PHIP: variants seen among roughly 807,000 people sequenced by gnomAD.
The protein encoded by PHIP is PHIP subunit of CUL4-Ring ligase complex.
In PHIP, 54 loss-of-function variants were observed where a neutral mutation model predicts 236.8. The ratio of observed to expected loss-of-function variants is 0.23; its 90% confidence interval spans 0.18 to 0.29. The LOEUF (loss-of-function observed/expected upper bound fraction) is 0.29, where lower values mean the gene tolerates loss of function less well. Ranked by LOEUF, PHIP falls within the 10% of genes least tolerant of loss-of-function variation. PHIP has a pLI of 1.00. For synonymous variants in PHIP, 756 were observed against 718.9 expected (o/e 1.05, Z -0.83); for missense variants, 1,370 against 2,190.8 (o/e 0.63, Z 7.48).
At chr6:79,074,426 A>G (rs1774050517) in intron 4 of PHIP, among the ~76,000 whole-genome samples, 1 of 152,110 alleles carries the variant, frequency 6.6e-6, no homozygotes, top group Admixed American at 6.5e-5. Context: ...ATTCAAACTA[A>G]GAAATAAACA....
intron 20 of PHIP, 37 bp from the exon 21 acceptor site, chr6:78,988,386 T>C: frequency 6.8e-7 from 1 of 1,473,424 alleles, no homozygotes; most frequent in Non-Finnish European, 9.2e-7. Context: ...CACAGATTGT[T>C]TAAAGAGCAG....
intron 15 of PHIP, among the ~76,000 whole-genome samples, chr6:79,011,033 G>A (rs1401712916): frequency 6.6e-6 from 1 of 151,782 alleles, no homozygotes; most frequent in African/African-American, 2.4e-5. Flanking sequence ...AGCTATTTCT[G>A]GGAATTATTT....
rs1773227692 is a variant in PHIP at position 78,935,240 on chromosome 6, T to G, written c.*5453A>C. Among the ~76,000 whole-genome samples the G allele has an allele frequency of 6.6e-6, 1 of 152,170 alleles. No homozygotes were observed. Among genetic ancestry groups the G allele is most frequent in the Non-Finnish European group, 1.5e-5 (1 of 68,006 alleles). Reference sequence around the variant, plus strand: ...CTTCCTTCCTCAACTTAGAAATTTATTATATACAAAATCATTTTAACAAAA... The same window carrying G: ...CTTCCTTCCTCAACTTAGAAATTTAGTATATACAAAATCATTTTAACAAAA... On this transcript the variant is annotated 3_prime_UTR_variant, in exon 40 of 40. Transcript: ENST00000275034.
rs183167764 is a variant in PHIP at position 79,054,103 on chromosome 6, A to G, written c.439+6375T>C. ...CATCTGATACTTTGGCATAATGAACATTATTTCCCTAAAAAAAAAAAAAAT... is the reference window on the plus strand; with the variant it reads ...CATCTGATACTTTGGCATAATGAACGTTATTTCCCTAAAAAAAAAAAAAAT... On this transcript the variant is annotated intron_variant, in intron 6 of 39. Coordinates refer to ENST00000275034, the MANE Select transcript of PHIP (RefSeq NM_017934.7). Among the ~76,000 whole-genome samples, 97 of 151,368 alleles carry G rather than the reference A, an allele frequency of 6.4e-4. 1 individual carries two copies. In the South Asian group the frequency reaches 8.1e-3, roughly 13 times the overall value.
intron 27 of PHIP, among the ~76,000 whole-genome samples, chr6:78,967,352 TAA>T (rs1404676408): frequency 6.6e-6 from 1 of 152,086 alleles, no homozygotes; most frequent in Non-Finnish European, 1.5e-5. Flanking sequence ...ACACTAAACA[TAA>T]AGTTTCAAAG....
intron 15 of PHIP, among the ~76,000 whole-genome samples, chr6:79,005,610 CAA>C (rs959300198): frequency 2.6e-5 from 4 of 151,750 alleles, no homozygotes; most frequent in East Asian, 1.9e-4. Flanking sequence ...TCACAGAAGC[CAA>C]GAGAGAGAAC....
chr6:79,000,148 T>C (rs1375720889), intron 17 of PHIP, among the ~76,000 whole-genome samples: 7 of 152,052 alleles, frequency 4.6e-5, no homozygotes, highest in African/African-American at 7.2e-5. Flanking sequence ...AATTTTGCTT[T>C]TGTTCTGTTT....
chr6:79,008,200 A>AT, intron 15 of PHIP, among the ~76,000 whole-genome samples: 1 of 152,268 alleles, frequency 6.6e-6, no homozygotes, highest in Middle Eastern at 3.4e-3. Flanking sequence ...AAAAAAAAAA[A>AT]AAATCCAAAT....
chr6:79,007,163 T>C (rs976506453), intron 15 of PHIP, among the ~76,000 whole-genome samples: 2 of 152,112 alleles, frequency 1.3e-5, no homozygotes, highest in South Asian at 2.1e-4. Flanking sequence ...CAAAAACTTA[T>C]GAGCTAAGAG....
intron 7 of PHIP, among the ~76,000 whole-genome samples, chr6:79,028,868 T>C (rs1032370301): frequency 2.6e-5 from 4 of 152,188 alleles, no homozygotes; most frequent in African/African-American, 9.7e-5. Context: ...TTCACATATT[T>C]TTCATGTTAA....
chr6:78,935,521 G>C lies in PHIP; in HGVS notation c.*5172C>G. 1 of 974,522 alleles carries C rather than the reference G, an allele frequency of 1.0e-6. No individual in the cohort carries two copies. The highest frequency in any genetic ancestry group is 1.2e-6 in the Non-Finnish European group (1 of 820,200). 60.4% of individuals were successfully genotyped at this position (974,522 alleles called of 1,614,324 possible). Reference sequence around the variant, plus strand: ...TGTTCCACTGAAATGTATCTCTTACGAAAGTATCTGAATAGTGAAGTATTT... The same window carrying C: ...TGTTCCACTGAAATGTATCTCTTACCAAAGTATCTGAATAGTGAAGTATTT... On this transcript the variant is annotated 3_prime_UTR_variant, in exon 40 of 40. Coordinates refer to ENST00000275034, the MANE Select transcript of PHIP (RefSeq NM_017934.7).
chr6:79,073,568 C>CT (rs573207207), intron 4 of PHIP, among the ~76,000 whole-genome samples: 38 of 149,602 alleles, frequency 2.5e-4, no homozygotes, highest in East Asian at 2.2e-3. Flanking sequence ...AATATGATAT[C>CT]TTTTTTTTTT....
At position 78,947,786 on chromosome 6, in the gene PHIP, GA is replaced by G; in HGVS notation, c.4054-12del. 6.3e-7 allele frequency: 1 copy of G among 1,591,464 alleles called. No homozygotes were observed. The highest frequency in any genetic ancestry group is 8.6e-7 in the Non-Finnish European group (1 of 1,163,904). On this transcript the variant is annotated splice_polypyrimidine_tract_variant and intron_variant, in intron 35 of 39. Coordinates refer to ENST00000275034, the MANE Select transcript of PHIP (RefSeq NM_017934.7). ...GATGTCTCTGTAGTCCTAGGAGAGG[GA>G]AAACAGGTGGTGTTATGATTATTAC...
At chr6:78,967,290 A>G (rs1767205033) in intron 27 of PHIP, among the ~76,000 whole-genome samples, 1 of 152,218 alleles carries the variant, frequency 6.6e-6, no homozygotes, top group South Asian at 2.1e-4. Flanking sequence ...ACACTTAACA[A>G]AAAGCTACTA....
chr6:79,011,551 C>T (rs989171626), intron 15 of PHIP, among the ~76,000 whole-genome samples: 3 of 151,658 alleles, frequency 2.0e-5, no homozygotes, highest in Admixed American at 6.6e-5. Flanking sequence ...CCTATGTTAG[C>T]CTCTTTTAAA....
intron 20 of PHIP, among the ~76,000 whole-genome samples, 157 bp downstream of exon 20, chr6:78,990,711 T>C (rs1769184131): frequency 2.0e-5 from 3 of 152,152 alleles, no homozygotes; most frequent in African/African-American, 7.2e-5. Context: ...AAATTTTAAA[T>C]AGTAAACAAT....
intron 15 of PHIP, among the ~76,000 whole-genome samples, chr6:79,012,066 G>A (rs1318285389): frequency 6.6e-6 from 1 of 151,332 alleles, no homozygotes; most frequent in African/African-American, 2.4e-5. Flanking sequence ...AGGATTTTTG[G>A]CTATTTCTAA....
At chr6:79,064,726 T>C (rs1254109171) in intron 4 of PHIP, among the ~76,000 whole-genome samples, 2 of 152,204 alleles carry the variant, frequency 1.3e-5, no homozygotes, top group Non-Finnish European at 2.9e-5. Flanking sequence ...CATTAAATAG[T>C]GAAGTTCCTT....
intron 6 of PHIP, among the ~76,000 whole-genome samples, chr6:79,047,484 G>T (rs1288776174): frequency 6.6e-6 from 1 of 152,054 alleles, no homozygotes; most frequent in Non-Finnish European, 1.5e-5. Context: ...TTTCGCAAAG[G>T]TTTACCTCAA....
Sources: gnomAD v4.1 joint callset for allele counts (sites outside exome capture counted in the v4.1 genomes callset) on GRCh38, gnomAD v4.1.1 for gene constraint, MANE v1.5 for transcripts, NCBI Gene and HGNC (gene_info 2026-07-23, HGNC 2026-07-21) for gene names.